BRI3: variants seen among roughly 807,000 people sequenced by gnomAD.
BRI3 encodes membrane protein BRI3.
Under a neutral mutation model 12.8 loss-of-function variants are expected in BRI3, and 6 were observed. The observed-to-expected ratio is 0.47, with a 90% CI of 0.26 to 0.93. The LOEUF (loss-of-function observed/expected upper bound fraction) is 0.93, where lower values mean the gene tolerates loss of function less well. BRI3 is among the 40% of genes least tolerant of loss of function. The probability of loss-of-function intolerance (pLI) is 0.15; values close to 1 mark genes in which losing one functional copy is unlikely to be tolerated. For missense variants in BRI3, 134 were observed against 171.1 expected, an observed-to-expected ratio of 0.78 and a Z score of 1.21; for synonymous variants, 91 against 76.1, an observed-to-expected ratio of 1.20 and a Z score of -1.02.
chr7:98,282,244 C>T (rs545805485), intron 1 of BRI3, 107 bp from the exon 2 acceptor site: 26 of 1,031,730 alleles, frequency 2.5e-5, no homozygotes, highest in East Asian at 1.8e-4. Context: ...TGGAAAAGAC[C>T]GGGGGCTTTT....
rs1799738634 is a variant in BRI3 at position 98,287,177 on chromosome 7, C to A, written c.246-3934C>A. Among the ~76,000 whole-genome samples the A allele has an allele frequency of 2.0e-5, 3 of 152,254 alleles. No individual in the cohort carries two copies. In the South Asian group the frequency reaches 6.2e-4, roughly 31 times the overall value. On this transcript the variant is annotated intron_variant, in intron 2 of 2. Coordinates refer to ENST00000297290, the MANE Select transcript of BRI3 (RefSeq NM_015379.5). Reference sequence around the variant, plus strand: ...CTGGATCTGTCCAGCTCCCGGGCGGCACTGCAGGGAAACAGGCTCGCTCTC... The same window carrying A: ...CTGGATCTGTCCAGCTCCCGGGCGGAACTGCAGGGAAACAGGCTCGCTCTC...
chr7:98,308,471 G>A (rs1000436161), exon 2 of BRI3: 8 of 365,238 alleles, frequency 2.2e-5, no homozygotes, highest in East Asian at 7.3e-5. Flanking sequence ...CTGCCATCCC[G>A]CCAGGCTCCC....
the BRI3 span, among the ~76,000 whole-genome samples, chr7:98,318,726 C>T: frequency 6.6e-6 from 1 of 151,542 alleles, no homozygotes; most frequent in African/African-American, 2.4e-5. Context: ...AGGTGCACCA[C>T]GAGGTCAGAA....
intron 1 of BRI3, among the ~76,000 whole-genome samples, chr7:98,300,694 C>T (rs566109321): frequency 3.2e-4 from 48 of 152,234 alleles, no homozygotes; most frequent in South Asian, 1.9e-3. Flanking sequence ...GAAGCACCAC[C>T]GTGAGGTGCG....
Position 98,282,410 on chromosome 7 carries a change from C to A in BRI3, c.202C>A (p.Pro68Thr), listed in dbSNP as rs150164653. 3.1e-5 allele frequency: 50 copies of A among 1,614,010 alleles called. No individual in the cohort carries two copies. The highest frequency in any genetic ancestry group is 1.6e-4 in the Middle Eastern group (1 of 6,084). ...NIHSRTVTRY[P>T]ANSIVVVGGC... ...CCACAGCCGGACCGTCACCCGCTAT[C>A]CTGCCAACTCTATCGTGGTCGTAGG... Residue 68 changes from proline (P) to threonine (T), a missense_variant, in exon 2 of 3, where the codon CCT becomes ACT. Coordinates refer to ENST00000297290, the MANE Select transcript of BRI3 (RefSeq NM_015379.5).
At chr7:98,298,479 G>A (rs1432274070) in intron 1 of BRI3, among the ~76,000 whole-genome samples, 1 of 151,990 alleles carries the variant, frequency 6.6e-6, no homozygotes, top group Non-Finnish European at 1.5e-5. Context: ...CAGGCGTAGT[G>A]GCGGGCGCCT....
At chr7:98,310,609 A>G (rs555728900), downstream of BRI3, 1 of 1,550,874 alleles carries the variant, frequency 6.4e-7, no homozygotes, top group South Asian at 1.2e-5. Context: ...AAAATTCTTT[A>G]TTAGTCCAAT....
At chr7:98,303,476 C>T (rs1343545877), upstream of BRI3, among the ~76,000 whole-genome samples, 2 of 152,218 alleles carry the variant, frequency 1.3e-5, no homozygotes, top group Non-Finnish European at 2.9e-5. Context: ...CACGCCATCA[C>T]CTCACCTTGT....
chr7:98,311,484 T>C (rs1051957308), downstream of BRI3, among the ~76,000 whole-genome samples: 3 of 150,910 alleles, frequency 2.0e-5, no homozygotes, highest in African/African-American at 7.3e-5. Context: ...GAGCCTACAG[T>C]GAGCCGAGAT....
At chr7:98,315,417 TAA>T (rs774776173), downstream of BRI3, 1 of 1,351,372 alleles carries the variant, frequency 7.4e-7, no homozygotes, top group African/African-American at 1.5e-5. Flanking sequence ...AAATATGAAA[TAA>T]AGTTATTAAT....
rs1799823605 is a variant in BRI3 at position 98,289,441 on chromosome 7, C to G, written c.246-1670C>G. On this transcript the variant is annotated intron_variant, in intron 2 of 2. Transcript: ENST00000297290. ...ACCCCCAGGAAGCAGCTGGAAACAT[C>G]CAGGGGGCTGGGATGGGAGTAGGGT... 2.0e-5 allele frequency among the ~76,000 whole-genome samples: 3 copies of G among 152,204 alleles called. 1 individual carries two copies. Among genetic ancestry groups the G allele is most frequent in the Admixed American group, 2.0e-4 (3 of 15,284 alleles).
At chr7:98,282,640 C>T (rs1266042966) in intron 2 of BRI3, 187 bp downstream of exon 2, 1 of 585,478 alleles carries the variant, frequency 1.7e-6, no homozygotes. Flanking sequence ...TCCGCTCACC[C>T]TTGGCTCTGA....
At chr7:98,289,321 C>T (rs756037230) in intron 2 of BRI3, among the ~76,000 whole-genome samples, 3 of 152,240 alleles carry the variant, frequency 2.0e-5, no homozygotes, top group African/African-American at 7.2e-5. Flanking sequence ...TCCATAATCC[C>T]CGGAGAAGCA....
chr7:98,295,948 A>G (rs1405901185), downstream of BRI3, among the ~76,000 whole-genome samples: 1 of 152,198 alleles, frequency 6.6e-6, no homozygotes, highest in Non-Finnish European at 1.5e-5. Flanking sequence ...CCGTGCACGC[A>G]TGCCTGGGGC....
downstream of BRI3, among the ~76,000 whole-genome samples, chr7:98,297,752 GC>G (rs1199027395): frequency 1.3e-5 from 2 of 152,232 alleles, no homozygotes; most frequent in African/African-American, 4.8e-5. Flanking sequence ...ATGTTGTGAC[GC>G]AAACGAAGAT....
chr7:98,305,489 T>G (rs1231579068), upstream of BRI3, among the ~76,000 whole-genome samples: 1 of 152,148 alleles, frequency 6.6e-6, no homozygotes, highest in East Asian at 1.9e-4. Flanking sequence ...TCTACCTGGC[T>G]AGCTGGATGG....
chr7:98,310,628 A>G, downstream of BRI3: 1 of 1,478,876 alleles, frequency 6.8e-7, no homozygotes, highest in Non-Finnish European at 9.0e-7. Flanking sequence ...ATATTAGTAT[A>G]GTGCAGAACC....
intron 2 of BRI3, among the ~76,000 whole-genome samples, chr7:98,283,848 T>A (rs1466816334): frequency 1.3e-5 from 2 of 152,100 alleles, no homozygotes; most frequent in African/African-American, 4.8e-5. Flanking sequence ...ACCCCTGAAC[T>A]TGGAGAGGTG....
intron 2 of BRI3, among the ~76,000 whole-genome samples, chr7:98,288,296 C>T (rs1159736852): frequency 6.6e-6 from 1 of 152,090 alleles, no homozygotes; most frequent in Non-Finnish European, 1.5e-5. Context: ...TCCCGAGGCT[C>T]CCCCACCTCG....
Sources: allele counts gnomAD v4.1 joint callset (sites outside exome capture counted in the v4.1 genomes callset), GRCh38; gene constraint gnomAD v4.1.1; transcripts MANE v1.5; gene names NCBI Gene and HGNC (gene_info 2026-07-23, HGNC 2026-07-21).